The following LRRTM4 variants were observed in gnomAD, a reference collection of about 807,000 sequenced individuals.
The protein encoded by LRRTM4 is leucine-rich repeat transmembrane neuronal protein 4.
LRRTM4 carries 25 observed loss-of-function variants against 47.6 expected under a neutral mutation model. The observed-to-expected ratio is 0.53, with a 90% CI of 0.38 to 0.73. The LOEUF (loss-of-function observed/expected upper bound fraction) is 0.73. Ranked by LOEUF, LRRTM4 falls within the 30% of genes least tolerant of loss-of-function variation. The probability of loss-of-function intolerance (pLI) is 0.00; values close to 1 mark genes in which losing one functional copy is unlikely to be tolerated. For synonymous variants in LRRTM4, 311 were observed against 269.5 expected (o/e 1.15, Z -1.51); for missense variants, 638 against 713.4 (o/e 0.89, Z 1.20).
At position 77,519,061 on chromosome 2, in the gene LRRTM4, G is replaced by A; in HGVS notation, c.808C>T (p.Pro270Ser). 2 of 1,612,454 alleles carry A rather than the reference G, an allele frequency of 1.2e-6. No homozygotes were observed. Among genetic ancestry groups the A allele is most frequent in the East Asian group, 2.2e-5 (1 of 44,770 alleles). The change falls in exon 3 of 4, where the codon CCG becomes TCG. Residue 270 changes from proline (P) to serine (S), a missense_variant. Pro to Ser is a moderately conservative substitution (Grantham distance 74). Transcript: ENST00000409884. The surrounding 1 kb of genome is among the most constrained non-coding windows in gnomAD (Gnocchi z 4.6). ...LSGNDIQGIE[P>S]GTFKCLPNLQ... ...TTGGGGAGGCATTTAAATGTGCCCG[G>A]CTCAATTCCTTGGATGTCATTCCCT...
chr2:77,024,010 T>C (rs2104112501), intron 3 of LRRTM4, among the ~76,000 whole-genome samples: 2 of 152,176 alleles, frequency 1.3e-5, no homozygotes, highest in Middle Eastern at 6.8e-3. Context: ...GAGGCCTCAG[T>C]ATCATGATCG....
At chr2:77,330,652 T>C (rs1670941501) in intron 3 of LRRTM4, among the ~76,000 whole-genome samples, 1 of 152,206 alleles carries the variant, frequency 6.6e-6, no homozygotes, top group Admixed American at 6.5e-5. Context: ...TATATGTTTA[T>C]TTTATACATA....
chr2:77,075,767 T>G (rs1680312993), intron 3 of LRRTM4, among the ~76,000 whole-genome samples: 1 of 149,098 alleles, frequency 6.7e-6, no homozygotes, highest in Admixed American at 6.7e-5. Context: ...TACAAAAAAT[T>G]AGCCGGGCGT....
chr2:77,216,325 G>T (rs1674438612), intron 3 of LRRTM4, among the ~76,000 whole-genome samples: 2 of 152,288 alleles, frequency 1.3e-5, no homozygotes, highest in South Asian at 4.1e-4. Context: ...TCGAAGGCAA[G>T]TCTAATAAAG....
At chr2:77,419,777 A>T (rs1271580254) in intron 3 of LRRTM4, among the ~76,000 whole-genome samples, 3 of 152,136 alleles carry the variant, frequency 2.0e-5, no homozygotes, top group Admixed American at 6.6e-5. Flanking sequence ...ATAAAAGCAT[A>T]TAATATTTTA....
intron 3 of LRRTM4, among the ~76,000 whole-genome samples, chr2:77,020,569 G>A (rs1678231707): frequency 6.6e-6 from 1 of 151,628 alleles, no homozygotes; most frequent in Non-Finnish European, 1.5e-5. Flanking sequence ...GACATTTGGG[G>A]CATGATATAA....
chr2:76,797,595 G>A (rs1411624367), intron 3 of LRRTM4, among the ~76,000 whole-genome samples: 3 of 151,016 alleles, frequency 2.0e-5, no homozygotes, highest in Non-Finnish European at 4.4e-5. Context: ...ATAATGACAG[G>A]ATCAAATTCA....
chr2:77,055,874 G>T (rs1178501461), intron 3 of LRRTM4, among the ~76,000 whole-genome samples: 1 of 151,716 alleles, frequency 6.6e-6, no homozygotes, highest in Non-Finnish European at 1.5e-5. Flanking sequence ...AAAAGGATGA[G>T]TTCACGTCCT....
At chr2:77,125,262 G>A (rs184263169) in intron 3 of LRRTM4, among the ~76,000 whole-genome samples, 214 of 152,078 alleles carry the variant, frequency 1.4e-3, no homozygotes, top group Middle Eastern at 6.8e-3. Flanking sequence ...ATTGTCCTTC[G>A]TTCTTAGATG....
intron 3 of LRRTM4, among the ~76,000 whole-genome samples, chr2:77,216,624 T>C (rs1394600899): frequency 1.3e-5 from 2 of 152,190 alleles, no homozygotes; most frequent in Non-Finnish European, 2.9e-5. Flanking sequence ...CCCCTGAAGA[T>C]AGCTTGTTCA....
At chr2:76,845,491 C>T (rs1268087409) in intron 3 of LRRTM4, among the ~76,000 whole-genome samples, 2 of 151,980 alleles carry the variant, frequency 1.3e-5, no homozygotes, top group African/African-American at 4.8e-5. Flanking sequence ...AGTGGTGGCT[C>T]CCTGCTAGAC....
chr2:76,782,777 C>T (rs1183164430), intron 3 of LRRTM4, among the ~76,000 whole-genome samples: 1 of 152,190 alleles, frequency 6.6e-6, no homozygotes, highest in Non-Finnish European at 1.5e-5. Context: ...TGGATCCACA[C>T]AGTTAAACCT....
rs143005779 is a variant in LRRTM4 at position 76,997,301 on chromosome 2, A to G, written c.1552-248385T>C. 1.2e-3 allele frequency among the ~76,000 whole-genome samples: 178 copies of G among 152,168 alleles called. 1 individual carries two copies. The highest frequency in any genetic ancestry group is 0.01 in the Middle Eastern group (3 of 294). ...CAGTTCAAATACAGCAGTAGAGCTC[A>G]TTGATTGTAAATATGTTGGTGTACC... On this transcript the variant is annotated intron_variant, in intron 3 of 3. Transcript: ENST00000409884.
At chr2:76,749,465 CT>C (rs1672773543) in intron 3 of LRRTM4, among the ~76,000 whole-genome samples, 1 of 151,936 alleles carries the variant, frequency 6.6e-6, no homozygotes, top group South Asian at 2.1e-4. Context: ...TCATGTGTAA[CT>C]TTTATTTAGT....
intron 3 of LRRTM4, among the ~76,000 whole-genome samples, chr2:76,830,515 CGTGTGTGTGT>C (rs57566911): frequency 3.5e-4 from 51 of 144,088 alleles, no homozygotes; most frequent in African/African-American, 1.1e-3. Flanking sequence ...GCAGTGTGTG[CGTGTGTGTGT>C]GTGTGTGTGT....
chr2:77,109,374 G>A (rs563214643), intron 3 of LRRTM4, among the ~76,000 whole-genome samples: 14 of 152,296 alleles, frequency 9.2e-5, no homozygotes, highest in African/African-American at 3.4e-4. Context: ...GATAATTAAA[G>A]TAGAAAGAGT....
chr2:77,394,572 G>A (rs1041755155), intron 3 of LRRTM4, among the ~76,000 whole-genome samples: 8 of 151,920 alleles, frequency 5.3e-5, no homozygotes, highest in Non-Finnish European at 1.2e-4. Flanking sequence ...TTCAAGCGAT[G>A]TGAGGGTGAA....
intron 3 of LRRTM4, among the ~76,000 whole-genome samples, chr2:77,489,119 T>C (rs1022501124): frequency 1.1e-5 from 1 of 89,574 alleles, no homozygotes; most frequent in East Asian, 3.1e-4. Context: ...ATACATATAA[T>C]GATGGCCAAA....
At chr2:77,355,850 T>G (rs1671947074) in intron 3 of LRRTM4, among the ~76,000 whole-genome samples, 1 of 152,170 alleles carries the variant, frequency 6.6e-6, no homozygotes, top group Non-Finnish European at 1.5e-5. Context: ...CCCAGCACTT[T>G]GGGAGGCCAA....
Sources: gnomAD v4.1 joint callset for allele counts (sites outside exome capture counted in the v4.1 genomes callset) on GRCh38, gnomAD v4.1.1 for gene constraint, Gnocchi (gnomAD v3.1) non-coding constraint, MANE v1.5 for transcripts, NCBI Gene and HGNC (gene_info 2026-07-23, HGNC 2026-07-21) for gene names.